The following LRBA variants were observed in gnomAD, a reference collection of about 807,000 sequenced individuals.
The protein encoded by LRBA is LPS responsive beige-like anchor protein, also known as lipopolysaccharide-responsive and beige-like anchor protein.
A neutral mutation model predicts 330.0 loss-of-function variants in LRBA; 176 were observed. The observed-to-expected ratio is 0.53, with a 90% CI of 0.47 to 0.60. LRBA has a LOEUF of 0.60. LRBA is among the 20% of genes least tolerant of loss of function. The probability of loss-of-function intolerance (pLI) is 0.00; values close to 1 mark genes in which losing one functional copy is unlikely to be tolerated. For synonymous variants in LRBA, 1,230 were observed against 1,193.0 expected (o/e 1.03, Z -0.64); for missense variants, 3,259 against 3,444.8 (o/e 0.95, Z 1.35).
In LRBA at chr4:150,599,085, G is replaced by A. The variant is rs757583824; in HGVS notation, c.5968C>T (p.Arg1990Trp). Residue 1990 changes from arginine (R) to tryptophan (W), a missense_variant, in exon 38 of 57, where the codon CGG becomes TGG. By Grantham distance (101) the Arg-to-Trp change is moderately radical. Coordinates refer to ENST00000651943, the MANE Select transcript of LRBA (RefSeq NM_001364905.1). ...TTACGCACAAATCGTCGCCGGCGCC[G>A]CAAGTCATCTTCCCAGTAGTCAAGG... ...WRLDYWEDDL[R>W]RRRRFVRNPL... The A allele has an allele frequency of 5.6e-6, 9 of 1,614,010 alleles. No homozygotes were observed. The highest frequency in any genetic ancestry group is 1.1e-5 in the South Asian group (1 of 91,076).
intron 44 of LRBA, among the ~76,000 whole-genome samples, chr4:150,456,433 G>C (rs1465366998): frequency 5.3e-5 from 8 of 152,124 alleles, no homozygotes; most frequent in Non-Finnish European, 1.2e-4. Context: ...ATGATGTTGA[G>C]TGCCTTTTCA....
At chr4:150,710,614 G>C (rs1309432397) in intron 36 of LRBA, among the ~76,000 whole-genome samples, 1 of 151,974 alleles carries the variant, frequency 6.6e-6, no homozygotes, top group Non-Finnish European at 1.5e-5. Context: ...CCCAGCTCTT[G>C]ATTACAGGTA....
At chr4:150,701,185 T>TCTCA (rs1785084078) in intron 36 of LRBA, among the ~76,000 whole-genome samples, 1 of 152,192 alleles carries the variant, frequency 6.6e-6, no homozygotes, top group African/African-American at 2.4e-5. Context: ...CTACATCTTG[T>TCTCA]CTCACTGGAG....
At chr4:150,982,081 AT>A (rs1740913284) in intron 2 of LRBA, among the ~76,000 whole-genome samples, 2 of 152,334 alleles carry the variant, frequency 1.3e-5, no homozygotes, top group African/African-American at 4.8e-5. Flanking sequence ...ATGAAAAATA[AT>A]AAATGTACAG....
At chr4:150,590,499 T>C (rs1012915524) in intron 39 of LRBA, among the ~76,000 whole-genome samples, 1 of 152,050 alleles carries the variant, frequency 6.6e-6, no homozygotes, top group African/African-American at 2.4e-5. Flanking sequence ...GTGAAAATTA[T>C]TCACAAAAGA....
chr4:150,815,507 A>G (rs1349898833), intron 31 of LRBA, among the ~76,000 whole-genome samples: 1 of 151,984 alleles, frequency 6.6e-6, no homozygotes, highest in East Asian at 1.9e-4. Flanking sequence ...CTGTACTTCA[A>G]ACTCAATTTT....
chr4:150,954,106 T>C (rs1737237357), intron 2 of LRBA, among the ~76,000 whole-genome samples: 1 of 148,446 alleles, frequency 6.7e-6, no homozygotes, highest in African/African-American at 2.5e-5. Context: ...GTCTGGGAAG[T>C]GAGGAGCATC....
At chr4:150,900,489 T>C (rs1007348430) in intron 13 of LRBA, among the ~76,000 whole-genome samples, 22 of 152,238 alleles carry the variant, frequency 1.4e-4, no homozygotes, top group Non-Finnish European at 8.8e-5. Flanking sequence ...AAAATAACTT[T>C]GTGATTCCTA....
In LRBA at chr4:150,490,900, A is replaced by G. The variant is rs772918469; in HGVS notation, c.6448+18T>C. 1.4e-6 allele frequency: 2 copies of G among 1,435,818 alleles called. No homozygotes were observed. The highest frequency in any genetic ancestry group is 9.8e-7 in the Non-Finnish European group (1 of 1,023,114). 88.9% of individuals were successfully genotyped at this position (1,435,818 alleles called of 1,614,324 possible). A position where few individuals can be genotyped will look rare whatever the true frequency, so the allele number is the denominator to read the frequency against. Reference sequence around the variant, plus strand: ...ATGGAAGTTAGCTCTGTAACAACGTATTTCTGTAACACATTACCTCTGTTT... The same window carrying G: ...ATGGAAGTTAGCTCTGTAACAACGTGTTTCTGTAACACATTACCTCTGTTT... On this transcript the variant is annotated intron_variant, in intron 41 of 56. Coordinates refer to ENST00000651943, the MANE Select transcript of LRBA (RefSeq NM_001364905.1).
intron 13 of LRBA, 36 bp from the exon 14 acceptor site, chr4:150,900,253 C>A (rs766874655): frequency 3.3e-6 from 5 of 1,518,856 alleles, no homozygotes; most frequent in Non-Finnish European, 3.6e-6. Context: ...GAGAACCCCA[C>A]CAGCATTTTA....
chr4:150,994,951 G>C (rs1742479570), intron 2 of LRBA, among the ~76,000 whole-genome samples: 5 of 152,184 alleles, frequency 3.3e-5, no homozygotes, highest in Admixed American at 3.3e-4. Flanking sequence ...TTAGAAGTCA[G>C]TTTAAGGGAC....
chr4:150,634,001 G>C (rs2126681037), intron 37 of LRBA, among the ~76,000 whole-genome samples: 1 of 152,208 alleles, frequency 6.6e-6, no homozygotes, highest in African/African-American at 2.4e-5. Context: ...TGTAATTCCA[G>C]TTACTCGGAT....
chr4:150,593,098 C>T (rs1341530054), intron 38 of LRBA, among the ~76,000 whole-genome samples: 1 of 152,026 alleles, frequency 6.6e-6, no homozygotes, highest in African/African-American at 2.4e-5. Context: ...TTGCAGTTTG[C>T]TATCAACATT....
At chr4:150,751,294 A>G (rs886241495) in intron 35 of LRBA, among the ~76,000 whole-genome samples, 7 of 152,106 alleles carry the variant, frequency 4.6e-5, no homozygotes, top group Non-Finnish European at 8.8e-5. Flanking sequence ...CAATTTACAA[A>G]ATGTTTTAAA....
intron 40 of LRBA, among the ~76,000 whole-genome samples, chr4:150,550,593 G>A (rs996178331): frequency 1.3e-5 from 2 of 152,158 alleles, no homozygotes; most frequent in East Asian, 1.9e-4. Flanking sequence ...ATAATAAAGT[G>A]TAATGTATTT....
At chr4:150,685,935 C>T (rs763222760) in intron 36 of LRBA, among the ~76,000 whole-genome samples, 3 of 151,962 alleles carry the variant, frequency 2.0e-5, no homozygotes, top group Admixed American at 6.6e-5. Flanking sequence ...ACAGGTAGAA[C>T]GAGTAATAGT....
chr4:150,491,477 C>T (rs1180843493), intron 40 of LRBA, among the ~76,000 whole-genome samples: 1 of 152,014 alleles, frequency 6.6e-6, no homozygotes, highest in Non-Finnish European at 1.5e-5. Flanking sequence ...CTTTTACATA[C>T]ATTATAATAC....
rs971733817 is a variant in LRBA, at chr4:150,963,552, C to G, written c.217-34487G>C. Reference sequence around the variant, plus strand: ...AATCGCTACAACCTCCACCTCCCAGCCGCCTGCCTTGGCCTCCCAAAGTGC... The same window carrying G: ...AATCGCTACAACCTCCACCTCCCAGGCGCCTGCCTTGGCCTCCCAAAGTGC... On this transcript the variant is annotated intron_variant, in intron 2 of 56. Transcript: ENST00000651943. Among the ~76,000 whole-genome samples the G allele has an allele frequency of 5.4e-4, 81 of 149,680 alleles. 1 individual carries two copies. Among genetic ancestry groups the G allele is most frequent in the Middle Eastern group, 3.4e-3 (1 of 294 alleles).
chr4:150,723,753 C>T (rs1729268554), intron 36 of LRBA, among the ~76,000 whole-genome samples: 1 of 152,214 alleles, frequency 6.6e-6, no homozygotes, highest in African/African-American at 2.4e-5. Context: ...AATAAGCTGG[C>T]TCTTGGGGTC....
Sources: gnomAD v4.1 joint callset for allele counts (sites outside exome capture counted in the v4.1 genomes callset) on GRCh38, gnomAD v4.1.1 for gene constraint, MANE v1.5 for transcripts, NCBI Gene and HGNC (gene_info 2026-07-23, HGNC 2026-07-21) for gene names.